The following PDE7B variants were observed in gnomAD, a reference collection of about 807,000 sequenced individuals.
PDE7B encodes phosphodiesterase 7B, also known as 3',5'-cyclic-AMP phosphodiesterase 7B.
In PDE7B, 29 loss-of-function variants were observed where a neutral mutation model predicts 56.2. The observed-to-expected ratio is 0.52, with a 90% CI of 0.38 to 0.70. PDE7B has a LOEUF of 0.70. Ranked by LOEUF, PDE7B falls within the 30% of genes least tolerant of loss-of-function variation. PDE7B has a pLI of 0.00. For missense variants in PDE7B, 490 were observed against 565.0 expected, an observed-to-expected ratio of 0.87 and a Z score of 1.35; for synonymous variants, 197 against 196.9, an observed-to-expected ratio of 1.00 and a Z score of 0.00.
intron 1 of PDE7B, among the ~76,000 whole-genome samples, chr6:135,885,425 T>C (rs1310007284): frequency 1.3e-5 from 2 of 152,066 alleles, no homozygotes; most frequent in Non-Finnish European, 2.9e-5. Flanking sequence ...GCATCATCAG[T>C]CCATTCTACA....
chr6:135,975,980 C>T lies in PDE7B; in HGVS notation c.82+28456C>T, dbSNP rs184910959. On this transcript the variant is annotated intron_variant, in intron 2 of 12. Coordinates refer to ENST00000308191, the MANE Select transcript of PDE7B (RefSeq NM_018945.4). ...TGCAGGATTTGGAACCTTGGAAACT[C>T]CTAGGTGATTCTTTACAGAAAAGCA... Among the ~76,000 whole-genome samples, 6 of 152,218 alleles carry T rather than the reference C, an allele frequency of 3.9e-5. 1 individual carries two copies. Among genetic ancestry groups the T allele is most frequent in the African/African-American group, 1.4e-4 (6 of 41,544 alleles).
At chr6:135,892,428 A>G (rs1775825262) in intron 1 of PDE7B, among the ~76,000 whole-genome samples, 1 of 152,168 alleles carries the variant, frequency 6.6e-6, no homozygotes, top group Non-Finnish European at 1.5e-5. Flanking sequence ...TAATGCATCA[A>G]AAAGTTATTT....
At chr6:135,857,375 T>A (rs1314500885) in intron 1 of PDE7B, among the ~76,000 whole-genome samples, 1 of 152,180 alleles carries the variant, frequency 6.6e-6, no homozygotes, top group African/African-American at 2.4e-5. Context: ...CCCATTGCTT[T>A]AGAAGTGCTC....
chr6:135,892,962 C>G (rs965881870), intron 1 of PDE7B, among the ~76,000 whole-genome samples: 1 of 152,112 alleles, frequency 6.6e-6, no homozygotes, highest in African/African-American at 2.4e-5. Context: ...AATCTTGCCT[C>G]TTTTTGAATC....
intron 2 of PDE7B, among the ~76,000 whole-genome samples, chr6:136,062,213 CTTTA>C (rs1342054218): frequency 1.3e-5 from 2 of 152,038 alleles, no homozygotes; most frequent in African/African-American, 2.4e-5. Context: ...TTTTTTCCAC[CTTTA>C]TTGAGATATA....
chr6:135,870,421 C>T (rs756156127), intron 1 of PDE7B, among the ~76,000 whole-genome samples: 5 of 151,520 alleles, frequency 3.3e-5, no homozygotes, highest in African/African-American at 9.7e-5. Context: ...TAGAGGATTG[C>T]CATAAGGATT....
chr6:136,105,401 A>G (rs1313932674), intron 2 of PDE7B, among the ~76,000 whole-genome samples: 1 of 152,238 alleles, frequency 6.6e-6, no homozygotes, highest in African/African-American at 2.4e-5. Flanking sequence ...GAGTTTAAGC[A>G]TAAGCTCTGC....
rs1201405332 is a variant in PDE7B, at chr6:136,038,206, AAGCAGAAACAGCAGC to A, written c.83-70519_83-70505del. ...GTGGTAGCAGCAGCAGCAGCAGCAG[AAGCAGAAACAGCAGC>A]AGCAGCAACAGCAGCAGCAGCAGCA... On this transcript the variant is annotated intron_variant, in intron 2 of 12. Transcript: ENST00000308191. 9.3e-6 allele frequency: 12 copies of A among 1,285,374 alleles called. No homozygotes were observed. In the African/African-American group the frequency reaches 1.4e-4, roughly 15 times the overall value. 79.6% of individuals were successfully genotyped at this position (1,285,374 alleles called of 1,614,324 possible).
intron 2 of PDE7B, among the ~76,000 whole-genome samples, chr6:136,073,833 TCA>T (rs1289884602): frequency 1.3e-5 from 2 of 152,198 alleles, no homozygotes; most frequent in Non-Finnish European, 2.9e-5. Flanking sequence ...TACGTATCTC[TCA>T]GTTGAGAATT....
intron 1 of PDE7B, among the ~76,000 whole-genome samples, chr6:135,939,632 T>C (rs1009988153): frequency 6.6e-6 from 1 of 152,128 alleles, no homozygotes; most frequent in African/African-American, 2.4e-5. Flanking sequence ...CTGCATAAAA[T>C]GATGTGGCCC....
chr6:135,913,526 C>T (rs926320915), intron 1 of PDE7B, among the ~76,000 whole-genome samples: 1 of 152,128 alleles, frequency 6.6e-6, no homozygotes, highest in Non-Finnish European at 1.5e-5. Flanking sequence ...TGCCAGTCTT[C>T]CATTTGAAAT....
At position 136,046,464 on chromosome 6, in the gene PDE7B, T is replaced by C. The variant is rs1245416289; in HGVS notation, c.83-62267T>C. The C allele has an allele frequency of 2.6e-5, 4 of 152,220 alleles. No individual in the cohort carries two copies. The East Asian group carries it at 5.8e-4, about 22-fold the overall frequency. The allele number at this position is 152,220 out of a possible 1,614,324, so 9.4% of individuals were successfully genotyped here. On this transcript the variant is annotated intron_variant, in intron 2 of 12. Coordinates refer to ENST00000308191, the MANE Select transcript of PDE7B (RefSeq NM_018945.4). ...GATTACTTCTTTTGAATAAATACCT[T>C]GCCACTCTTTGCTCCTCTCCAAGTT...
intron 3 of PDE7B, among the ~76,000 whole-genome samples, chr6:136,132,028 CT>C (rs967901187): frequency 5.3e-5 from 8 of 152,120 alleles, no homozygotes; most frequent in African/African-American, 1.9e-4. Context: ...TTTTACTATA[CT>C]TTTTATGTGG....
intron 2 of PDE7B, among the ~76,000 whole-genome samples, chr6:136,078,974 T>C (rs746007319): frequency 6.6e-6 from 1 of 152,134 alleles, no homozygotes; most frequent in African/African-American, 2.4e-5. Flanking sequence ...AATTTTATAA[T>C]GGGATTATAA....
At chr6:136,125,558 G>A (rs1044068340) in intron 3 of PDE7B, among the ~76,000 whole-genome samples, 69 of 151,912 alleles carry the variant, frequency 4.5e-4, no homozygotes, top group Middle Eastern at 3.4e-3. Flanking sequence ...ACAGGGCAAA[G>A]ATCCTGTCCC....
intron 2 of PDE7B, among the ~76,000 whole-genome samples, chr6:135,989,435 G>A (rs1227398174): frequency 1.3e-5 from 2 of 152,126 alleles, no homozygotes; most frequent in African/African-American, 4.8e-5. Context: ...CCAACATGGA[G>A]AAACCCTGTC....
At chr6:136,150,629 C>A (rs546618309) in intron 5 of PDE7B, among the ~76,000 whole-genome samples, 6 of 152,300 alleles carry the variant, frequency 3.9e-5, no homozygotes, top group Admixed American at 3.9e-4. Flanking sequence ...TGAATGCTTA[C>A]AAGTCATTAC....
At chr6:135,863,998 G>C (rs956546255) in intron 1 of PDE7B, among the ~76,000 whole-genome samples, 1 of 151,820 alleles carries the variant, frequency 6.6e-6, no homozygotes, top group African/African-American at 2.4e-5. Context: ...TATTCTTCTT[G>C]TTCTATATTT....
chr6:135,905,820 G>A (rs919793518), intron 1 of PDE7B, among the ~76,000 whole-genome samples: 2 of 152,184 alleles, frequency 1.3e-5, no homozygotes, highest in Non-Finnish European at 2.9e-5. Flanking sequence ...AGAAAGGACT[G>A]ATTGTGTGGC....
Sources: gnomAD v4.1 joint callset for allele counts (sites outside exome capture counted in the v4.1 genomes callset) on GRCh38, gnomAD v4.1.1 for gene constraint, MANE v1.5 for transcripts, NCBI Gene and HGNC (gene_info 2026-07-23, HGNC 2026-07-21) for gene names.